Variants in SSPN observed in about 807,000 individuals in gnomAD.
SSPN encodes sarcospan, also known as K-ras oncogene-associated protein.
SSPN carries 15 observed loss-of-function variants against 19.1 expected under a neutral mutation model. That is an observed-to-expected ratio of 0.78 (90% CI 0.52 to 1.21). The LOEUF (loss-of-function observed/expected upper bound fraction) is 1.21, where lower values mean the gene tolerates loss of function less well. SSPN is among the 50% of genes most tolerant of loss of function. The pLI is 0.00. For missense variants in SSPN, 291 were observed against 314.0 expected, an observed-to-expected ratio of 0.93 and a Z score of 0.55; for synonymous variants, 147 against 140.3, an observed-to-expected ratio of 1.05 and a Z score of -0.34.
At chr12:26,192,641 T>C (rs1944796318), upstream of SSPN, among the ~76,000 whole-genome samples, 1 of 152,212 alleles carries the variant, frequency 6.6e-6, no homozygotes, top group Non-Finnish European at 1.5e-5. Flanking sequence ...AAACACAGAT[T>C]CAACCATGCT....
intron 1 of SSPN, among the ~76,000 whole-genome samples, chr12:26,128,373 G>C (rs530633615): frequency 2.0e-5 from 3 of 152,242 alleles, no homozygotes; most frequent in Admixed American, 6.5e-5. Flanking sequence ...GAGTCATTCA[G>C]TTGGCATCTA....
At chr12:26,201,797 C>T (rs1944888176) in intron 1 of SSPN, among the ~76,000 whole-genome samples, 2 of 152,066 alleles carry the variant, frequency 1.3e-5, no homozygotes, top group Non-Finnish European at 2.9e-5. Flanking sequence ...ATAATTTATT[C>T]TCTTACTTTA....
At chr12:26,188,257 A>C (rs1011012229) in intron 1 of SSPN, among the ~76,000 whole-genome samples, 1 of 152,188 alleles carries the variant, frequency 6.6e-6, no homozygotes, top group African/African-American at 2.4e-5. Context: ...TAAAAATGAA[A>C]GAATTCATAG....
chr12:26,215,918 T>G (rs1945043251), intron 1 of SSPN, among the ~76,000 whole-genome samples: 1 of 152,212 alleles, frequency 6.6e-6, no homozygotes, highest in Admixed American at 6.5e-5. Flanking sequence ...GCCAACACCT[T>G]TATAACACAA....
chr12:26,156,670 G>T (rs757230449), intron 1 of SSPN, among the ~76,000 whole-genome samples: 89 of 152,324 alleles, frequency 5.8e-4, no homozygotes, highest in Non-Finnish European at 1.1e-3. Context: ...TTGACACATT[G>T]CTGACTGCGA....
At chr12:26,201,766 G>T (rs192062414) in intron 1 of SSPN, among the ~76,000 whole-genome samples, 7 of 152,188 alleles carry the variant, frequency 4.6e-5, no homozygotes, top group Admixed American at 3.9e-4. Context: ...AGAATTTTGG[G>T]ATAATCAAAT....
chr12:26,122,069 G>T, exon 1 of SSPN: 8 of 1,549,648 alleles, frequency 5.2e-6, no homozygotes, highest in Non-Finnish European at 7.0e-6. Flanking sequence ...CAAGGATTCA[G>T]GGAGCTTCCT....
intron 1 of SSPN, among the ~76,000 whole-genome samples, chr12:26,152,999 C>T (rs564602073): frequency 3.9e-4 from 59 of 152,224 alleles, no homozygotes; most frequent in Non-Finnish European, 7.3e-4. Flanking sequence ...GCCAGGAGTG[C>T]TCTTCCCCCA....
chr12:26,145,953 T>G (rs1308388611), intron 1 of SSPN, among the ~76,000 whole-genome samples: 1 of 152,206 alleles, frequency 6.6e-6, no homozygotes, highest in African/African-American at 2.4e-5. Context: ...ACTTGGAGGC[T>G]GAAACCCTGT....
chr12:26,124,956 T>TCGCACACACACA lies in SSPN; in HGVS notation c.-31+2816_-31+2827dup, dbSNP rs948485911. 6 of 696,454 alleles carry TCGCACACACACA rather than the reference T, an allele frequency of 8.6e-6. No individual in the cohort carries two copies. In the East Asian group the frequency reaches 1.1e-4, roughly 13 times the overall value. 43.1% of individuals were successfully genotyped at this position (696,454 alleles called of 1,614,324 possible). On this transcript the variant is annotated intron_variant, in intron 1 of 2. Transcript: ENST00000538142. ...AGTTGGTCCCCCCCCTCCACCGCGC[T>TCGCACACACACA]CGCACACACACACGCACACACACGC... is the stretch of plus-strand genomic sequence containing the variant.
chr12:26,208,025 G>GGA (rs1052218450), intron 1 of SSPN, among the ~76,000 whole-genome samples: 3 of 150,918 alleles, frequency 2.0e-5, no homozygotes, highest in Non-Finnish European at 4.4e-5. Flanking sequence ...TGGTGGGGGG[G>GGA]GGGGATATAT....
intron 1 of SSPN, among the ~76,000 whole-genome samples, chr12:26,143,726 A>G (rs1011348692): frequency 6.6e-6 from 1 of 152,190 alleles, no homozygotes; most frequent in Non-Finnish European, 1.5e-5. Flanking sequence ...CATTTTTGTG[A>G]TGTACCTTAA....
chr12:26,172,767 CTT>C (rs59773537), intron 1 of SSPN, among the ~76,000 whole-genome samples: 2 of 144,768 alleles, frequency 1.4e-5, no homozygotes. Flanking sequence ...CTTTCTCTCT[CTT>C]TTTTTTTTTT....
In SSPN at chr12:26,195,641, G is replaced by GCGGGGGGGCCCCCC; in HGVS notation, c.-31_-30insGGGGGGGCCCCCCC. On this transcript the variant is annotated 5_prime_UTR_variant, in exon 1 of 3. Coordinates refer to ENST00000242729, the MANE Select transcript of SSPN (RefSeq NM_005086.5). The stretch of plus-strand genomic sequence containing the variant: ...CTCCAGGGCCCAGGGCGCCGCACAC[G>GCGGGGGGGCCCCCC]CACCCACCCACCCACCCAGCCTCGC... 1 of 1,105,398 alleles carries GCGGGGGGGCCCCCC rather than the reference G, an allele frequency of 9.0e-7. No individual in the cohort carries two copies. The highest frequency in any genetic ancestry group is 1.1e-6 in the Non-Finnish European group (1 of 878,116). 68.5% of individuals were successfully genotyped at this position (1,105,398 alleles called of 1,614,324 possible).
intron 1 of SSPN, chr12:26,122,763 T>C (rs1318779963): frequency 1.3e-6 from 2 of 1,592,664 alleles, no homozygotes; most frequent in South Asian, 1.1e-5. Flanking sequence ...TTTCTCGCGG[T>C]CCGGCCGGGC....
At chr12:26,171,178 A>G (rs112312028) in intron 1 of SSPN, among the ~76,000 whole-genome samples, 142 of 152,308 alleles carry the variant, frequency 9.3e-4, no homozygotes, top group Non-Finnish European at 1.4e-3. Flanking sequence ...TTAGGTCTAG[A>G]AAGTAAGGTC....
Position 26,195,643 on chromosome 12 carries a change from A to ACACCC in SSPN, c.-29_-28insACCCC. On this transcript the variant is annotated 5_prime_UTR_variant, in exon 1 of 3. Transcript: ENST00000242729. ...CCAGGGCCCAGGGCGCCGCACACGC[A>ACACCC]CCCACCCACCCACCCAGCCTCGCAG... 2.1e-5 allele frequency: 5 copies of ACACCC among 242,024 alleles called. No homozygotes were observed. The highest frequency in any genetic ancestry group is 6.4e-5 in the South Asian group (1 of 15,712). The allele number at this position is 242,024 out of a possible 1,614,324, so 15.0% of individuals were successfully genotyped here. A position where few individuals can be genotyped will look rare whatever the true frequency, so the allele number is the denominator to read the frequency against.
At chr12:26,176,791 A>G (rs187940202) in intron 1 of SSPN, among the ~76,000 whole-genome samples, 2 of 152,216 alleles carry the variant, frequency 1.3e-5, no homozygotes, top group Admixed American at 1.3e-4. Flanking sequence ...CTCATTCCCA[A>G]TTCTACCCCC....
intron 1 of SSPN, among the ~76,000 whole-genome samples, chr12:26,207,193 T>C (rs1565687327): frequency 6.6e-6 from 1 of 152,198 alleles, no homozygotes; most frequent in Non-Finnish European, 1.5e-5. Context: ...CCAAAAAATA[T>C]TTGGTAATGA....
Sources: gnomAD v4.1 joint callset for allele counts (sites outside exome capture counted in the v4.1 genomes callset) on GRCh38, gnomAD v4.1.1 for gene constraint, MANE v1.5 for transcripts, NCBI Gene and HGNC (gene_info 2026-07-23, HGNC 2026-07-21) for gene names.